GARIN5A: variants seen among roughly 807,000 people sequenced by gnomAD.
The protein encoded by GARIN5A is golgi associated RAB2 interactor 5A, also known as Golgi-associated RAB2 interactor protein 5A.
At chr19:50,475,064 C>T in the GARIN5A span, among the ~76,000 whole-genome samples, 1 of 152,190 alleles carries the variant, frequency 6.6e-6, no homozygotes, top group Non-Finnish European at 1.5e-5. Flanking sequence ...CATGAGCAGG[C>T]CCTGCGGAAA....
the GARIN5A span, chr19:50,466,913 G>C: frequency 1.3e-5 from 2 of 152,690 alleles, no homozygotes; most frequent in Admixed American, 6.5e-5. This position sits in a 1 kb window ranked among gnomAD's most constrained non-coding sequence, Gnocchi z 4.9. Flanking sequence ...AGTCCCCAGA[G>C]TTCAGAGGTC....
chr19:50,472,689 G>A, the GARIN5A span, among the ~76,000 whole-genome samples: 1 of 152,122 alleles, frequency 6.6e-6, no homozygotes, highest in Admixed American at 6.6e-5. Flanking sequence ...GAGCCCAGGA[G>A]TTCGAGACCA....
chr19:50,476,721 T>G, the GARIN5A span: 6 of 1,059,648 alleles, frequency 5.7e-6, no homozygotes, highest in Non-Finnish European at 7.8e-6. Context: ...CTTGGGTCTT[T>G]AGGTGAGTTA....
the GARIN5A span, chr19:50,475,436 A>T: frequency 6.2e-7 from 1 of 1,608,070 alleles, no homozygotes; most frequent in Admixed American, 1.7e-5. Flanking sequence ...CTCGTTGGCA[A>T]CTTCTCCCAA....
the GARIN5A span, chr19:50,476,351 G>A: frequency 1.9e-6 from 3 of 1,576,618 alleles, no homozygotes; most frequent in Non-Finnish European, 8.6e-7. Context: ...CCCTGGAGGG[G>A]GCGGCTCCTG....
At chr19:50,472,158 G>GTATATATACGTGTGTA in the GARIN5A span, among the ~76,000 whole-genome samples, 16 of 149,390 alleles carry the variant, frequency 1.1e-4, no homozygotes, top group Non-Finnish European at 1.8e-4. Context: ...GTGTGTATAT[G>GTATATATACGTGTGTA]TATGTATACG....
the GARIN5A span, among the ~76,000 whole-genome samples, chr19:50,472,115 T>TATGTATATATACGTGTGTAC: frequency 1.3e-4 from 20 of 151,302 alleles, no homozygotes; most frequent in Non-Finnish European, 2.9e-5. Context: ...TACGTGTGTA[T>TATGTATATATACGTGTGTAC]ATGTATATAT....
the GARIN5A span, chr19:50,475,698 G>C: frequency 2.8e-6 from 2 of 716,392 alleles, no homozygotes; most frequent in Non-Finnish European, 4.8e-6. Context: ...AGTATGGGGT[G>C]TCAGAGATCA....
chr19:50,468,363 C>CAA, the GARIN5A span, among the ~76,000 whole-genome samples: 45 of 76,964 alleles, frequency 5.8e-4, no homozygotes, highest in African/African-American at 8.7e-4. Context: ...GACTGTGTCT[C>CAA]AAAAAAAAAA....
the GARIN5A span, chr19:50,467,742 G>T: frequency 8.7e-6 from 14 of 1,609,418 alleles, no homozygotes; most frequent in South Asian, 2.2e-5. Context: ...GCTGCAAGTA[G>T]AAGGTGCGGC....
the GARIN5A span, among the ~76,000 whole-genome samples, chr19:50,468,187 C>A: frequency 6.6e-6 from 1 of 151,982 alleles, no homozygotes; most frequent in African/African-American, 2.4e-5. Flanking sequence ...ATGGTGGAAC[C>A]CCATCTCTAC....
chr19:50,475,491 T>A, the GARIN5A span: 625 of 1,572,454 alleles, frequency 4.0e-4, 9 homozygotes, highest in South Asian at 5.0e-3. Context: ...GCAGGATAGA[T>A]GTCGGGGCAG....
At chr19:50,472,209 C>CATCTGTGTATGTATACATGT in the GARIN5A span, among the ~76,000 whole-genome samples, 1 of 117,206 alleles carries the variant, frequency 8.5e-6, no homozygotes, top group African/African-American at 3.9e-5. Context: ...CATGTATATA[C>CATCTGTGTATGTATACATGT]ATGTGTGTAT....
chr19:50,467,541 C>T, the GARIN5A span: 13 of 1,485,438 alleles, frequency 8.8e-6, no homozygotes, highest in Non-Finnish European at 1.1e-5. Context: ...CACTGCGCTT[C>T]CCCCCTCTCC....
the GARIN5A span, chr19:50,476,001 C>T: frequency 6.2e-7 from 1 of 1,602,736 alleles, no homozygotes. Context: ...TGCCTGGCTT[C>T]CCAACTGAGA....
At chr19:50,469,909 TAGA>T in the GARIN5A span, among the ~76,000 whole-genome samples, 1 of 152,158 alleles carries the variant, frequency 6.6e-6, no homozygotes, top group Non-Finnish European at 1.5e-5. Flanking sequence ...GTCCCCCAAA[TAGA>T]AGAATAACAG....
chr19:50,471,729 CACGT>C, the GARIN5A span, among the ~76,000 whole-genome samples: 2 of 144,520 alleles, frequency 1.4e-5, no homozygotes, highest in African/African-American at 5.5e-5. Flanking sequence ...CGCATACATG[CACGT>C]GTGTGTATAC....
chr19:50,471,832 A>G, the GARIN5A span, among the ~76,000 whole-genome samples: 9 of 144,026 alleles, frequency 6.2e-5, no homozygotes, highest in East Asian at 1.6e-3. Flanking sequence ...GTATACGCAT[A>G]CATATCTGTG....
the GARIN5A span, chr19:50,475,762 G>A: frequency 1.2e-5 from 14 of 1,121,808 alleles, no homozygotes; most frequent in African/African-American, 1.8e-4. Flanking sequence ...GGGGAGCAGG[G>A]GCTTTCCAAG....
Sources: gnomAD v4.1 joint callset for allele counts (sites outside exome capture counted in the v4.1 genomes callset) on GRCh38, gnomAD v4.1.1 for gene constraint, Gnocchi (gnomAD v3.1) non-coding constraint, MANE v1.5 for transcripts, NCBI Gene and HGNC (gene_info 2026-07-23, HGNC 2026-07-21) for gene names.